Variants in RARB observed in about 807,000 individuals in gnomAD.
The protein encoded by RARB is retinoic acid receptor beta.
Under a neutral mutation model 51.9 loss-of-function variants are expected in RARB, and 17 were observed. The observed-to-expected ratio is 0.33, with a 90% CI of 0.22 to 0.49. The LOEUF is 0.49. RARB is among the 20% of genes least tolerant of loss of function. The pLI, the probability that RARB is intolerant of heterozygous loss-of-function variation, is 0.99. For synonymous variants in RARB, 215 were observed against 195.4 expected (o/e 1.10, Z -0.84); for missense variants, 369 against 550.8 (o/e 0.67, Z 3.30).
chr3:24,910,644 C>T (rs950780455), intron 2 of RARB, among the ~76,000 whole-genome samples: 4 of 152,074 alleles, frequency 2.6e-5, no homozygotes, highest in Non-Finnish European at 5.9e-5. Flanking sequence ...GTAGTTTTTT[C>T]TCAATATTGA....
At chr3:25,519,927 A>G (rs888971237) in intron 3 of RARB, among the ~76,000 whole-genome samples, 18 of 152,214 alleles carry the variant, frequency 1.2e-4, no homozygotes, top group Admixed American at 7.9e-4. Flanking sequence ...ATTCCTAAAC[A>G]TTTAGAAATC....
intron 5 of RARB, among the ~76,000 whole-genome samples, chr3:25,404,814 C>T (rs1056217041): frequency 2.0e-5 from 3 of 152,162 alleles, no homozygotes; most frequent in Non-Finnish European, 4.4e-5. Context: ...AAGATCATAC[C>T]AAACTCCTCT....
chr3:24,957,036 T>C (rs151159199), intron 2 of RARB, among the ~76,000 whole-genome samples: 1 of 152,190 alleles, frequency 6.6e-6, no homozygotes, highest in Non-Finnish European at 1.5e-5. Flanking sequence ...CAATCAACTA[T>C]TAGATGCTGG....
intron 5 of RARB, among the ~76,000 whole-genome samples, chr3:25,341,489 T>C (rs1705226195): frequency 6.6e-6 from 1 of 152,152 alleles, no homozygotes; most frequent in South Asian, 2.1e-4. Context: ...TTTAAAGCTC[T>C]TTGAATAAAG....
intron 2 of RARB, among the ~76,000 whole-genome samples, chr3:24,866,036 T>C (rs1029237651): frequency 6.6e-6 from 1 of 152,096 alleles, no homozygotes; most frequent in Non-Finnish European, 1.5e-5. Context: ...AAGTAAAACA[T>C]TGGTCCTGAA....
At chr3:25,208,312 T>C (rs1701607134) in intron 5 of RARB, among the ~76,000 whole-genome samples, 1 of 152,216 alleles carries the variant, frequency 6.6e-6, no homozygotes, top group Non-Finnish European at 1.5e-5. Context: ...AATTTTTTCT[T>C]ATTCTAATAT....
intron 3 of RARB, among the ~76,000 whole-genome samples, chr3:25,095,950 C>T (rs1228990484): frequency 6.6e-6 from 1 of 152,196 alleles, no homozygotes; most frequent in African/African-American, 2.4e-5. Context: ...TGGCAGAAAG[C>T]AGGCTCCACC....
intron 2 of RARB, among the ~76,000 whole-genome samples, chr3:24,860,139 C>CTCTTGGGGGTAGG (rs1702721212): frequency 6.6e-6 from 1 of 151,988 alleles, no homozygotes; most frequent in Non-Finnish European, 1.5e-5. Context: ...TGAACGGGGC[C>CTCTTGGGGGTAGG]CATGTCAGAG....
intron 2 of RARB, among the ~76,000 whole-genome samples, chr3:25,490,869 T>C (rs544043041): frequency 2.0e-5 from 3 of 152,262 alleles, no homozygotes; most frequent in Admixed American, 1.3e-4. Flanking sequence ...CTTTAGTTGG[T>C]TCAAATTCTC....
intron 2 of RARB, among the ~76,000 whole-genome samples, chr3:24,948,917 C>G (rs749265463): frequency 6.6e-6 from 1 of 152,136 alleles, no homozygotes; most frequent in Non-Finnish European, 1.5e-5. Context: ...CCTGTACAGC[C>G]TGTAGAACCA....
chr3:25,012,281 A>G (rs908679757), intron 2 of RARB, among the ~76,000 whole-genome samples: 1 of 152,112 alleles, frequency 6.6e-6, no homozygotes, highest in African/African-American at 2.4e-5. Context: ...TTTGATTTTT[A>G]AAGCAGTTTG....
chr3:25,524,173 G>C (rs1698534701), intron 3 of RARB, among the ~76,000 whole-genome samples: 1 of 152,178 alleles, frequency 6.6e-6, no homozygotes, highest in Non-Finnish European at 1.5e-5. Context: ...ACAATGTGTG[G>C]CTGATAACAA....
intron 3 of RARB, among the ~76,000 whole-genome samples, chr3:25,548,968 C>T (rs1699732719): frequency 6.6e-6 from 1 of 152,062 alleles, no homozygotes; most frequent in Admixed American, 6.6e-5. Context: ...TTTCAAGAGA[C>T]CTGACTCACG....
At chr3:24,963,087 C>T (rs527902440) in intron 2 of RARB, among the ~76,000 whole-genome samples, 2 of 152,262 alleles carry the variant, frequency 1.3e-5, no homozygotes, top group South Asian at 4.1e-4. Context: ...ACTTTGAGGA[C>T]TTCTCTTCTA....
At chr3:25,471,064 C>A (rs1472934334) in intron 2 of RARB, among the ~76,000 whole-genome samples, 1 of 152,116 alleles carries the variant, frequency 6.6e-6, no homozygotes, top group Non-Finnish European at 1.5e-5. Flanking sequence ...TAGTATATTA[C>A]TTTCATACAT....
chr3:25,323,190 C>G (rs779253730), intron 5 of RARB, among the ~76,000 whole-genome samples: 8 of 152,192 alleles, frequency 5.3e-5, no homozygotes, highest in Non-Finnish European at 1.2e-4. Context: ...CTCTGAAGCT[C>G]TGGGCCCAGC....
At chr3:24,888,376 G>A (rs1316964524) in intron 2 of RARB, among the ~76,000 whole-genome samples, 1 of 151,992 alleles carries the variant, frequency 6.6e-6, no homozygotes, top group Non-Finnish European at 1.5e-5. Flanking sequence ...TAGGAGCCGG[G>A]ATTTGAACCT....
At chr3:25,135,723 T>C (rs1229847175) in intron 4 of RARB, among the ~76,000 whole-genome samples, 2 of 151,930 alleles carry the variant, frequency 1.3e-5, no homozygotes, top group Non-Finnish European at 2.9e-5. Context: ...GTCATATTTT[T>C]TAGACAGGCA....
chr3:24,884,209 C>T (rs1006985273), intron 2 of RARB, among the ~76,000 whole-genome samples: 1 of 152,136 alleles, frequency 6.6e-6, no homozygotes. Context: ...ATGTTAATGC[C>T]AGTGTCCTGT....
Sources: allele counts gnomAD v4.1 joint callset (sites outside exome capture counted in the v4.1 genomes callset), GRCh38; gene constraint gnomAD v4.1.1; transcripts MANE v1.5; gene names NCBI Gene and HGNC (gene_info 2026-07-23, HGNC 2026-07-21).